Variants in HK1 observed in about 807,000 individuals in gnomAD.
HK1 encodes the protein hexokinase 1.
Under a neutral mutation model 91.6 loss-of-function variants are expected in HK1, and 28 were observed. The observed-to-expected ratio is 0.31, with a 90% CI of 0.23 to 0.42. The LOEUF (loss-of-function observed/expected upper bound fraction) is 0.42. HK1 is among the 10% of genes least tolerant of loss of function. HK1 has a pLI of 1.00. For synonymous variants in HK1, 430 were observed against 468.1 expected (o/e 0.92, Z 1.05); for missense variants, 770 against 1,219.8 (o/e 0.63, Z 5.49).
At chr10:69,303,075 G>A (rs148970587) in intron 5 of HK1, among the ~76,000 whole-genome samples, 133 of 152,180 alleles carry the variant, frequency 8.7e-4, no homozygotes, top group African/African-American at 3.0e-3. Flanking sequence ...TGTTCAACGT[G>A]TGTATCAGTT....
At chr10:69,314,656 TC>T (rs1367374522), upstream of HK1, among the ~76,000 whole-genome samples, 6 of 149,644 alleles carry the variant, frequency 4.0e-5, no homozygotes, top group Middle Eastern at 3.4e-3. Context: ...TTTTCTCTTC[TC>T]TTCTCTCTTT....
rs139295816 is a variant in HK1, at chr10:69,358,153, C to A, written c.227-1744C>A. The stretch of plus-strand genomic sequence containing the variant: ...TGTGGAAGGCAGGGGTGGCCGTCAC[C>A]CCTGGCGTGGTAGATATTAGGACAG... On this transcript the variant is annotated intron_variant, in intron 2 of 17. Coordinates refer to ENST00000359426, the MANE Select transcript of HK1 (RefSeq NM_000188.3). Among the ~76,000 whole-genome samples the A allele has an allele frequency of 2.9e-3, 445 of 152,182 alleles. 6 individuals are homozygous for A. The highest frequency in any genetic ancestry group is 0.019 in the East Asian group (100 of 5,174).
intron 10 of HK1, among the ~76,000 whole-genome samples, 170 bp downstream of exon 10, chr10:69,382,961 C>T (rs1476742605): frequency 6.6e-6 from 1 of 152,128 alleles, no homozygotes; most frequent in African/African-American, 2.4e-5. Flanking sequence ...ACTGATTTGT[C>T]ATGTGTGTGA....
At chr10:69,368,726 A>G in intron 5 of HK1, 95 bp downstream of exon 5, 1 of 954,324 alleles carries the variant, frequency 1.0e-6, no homozygotes. Context: ...GGGGGGCAGT[A>G]GTGCCAAAGC....
chr10:69,343,779 C>T, intron 1 of HK1, 48 bp from the exon 2 acceptor site: 1 of 1,515,648 alleles, frequency 6.6e-7, no homozygotes, highest in Non-Finnish European at 9.2e-7. Context: ...TCACCTTGCC[C>T]TGTCCTCCCC....
At chr10:69,375,425 C>T (rs1436998343) in intron 7 of HK1, among the ~76,000 whole-genome samples, 1 of 152,182 alleles carries the variant, frequency 6.6e-6, no homozygotes, top group African/African-American at 2.4e-5. Flanking sequence ...AGGCTGTTCC[C>T]ACAGGAGCCT....
intron 2 of HK1, among the ~76,000 whole-genome samples, chr10:69,349,316 C>T (rs1220259969): frequency 2.0e-5 from 3 of 152,186 alleles, no homozygotes; most frequent in African/African-American, 7.2e-5. Flanking sequence ...GTAATCCCTG[C>T]CCCACCTGCC....
At chr10:69,320,237 T>C (rs1479329790) in intron 1 of HK1, among the ~76,000 whole-genome samples, 1 of 152,076 alleles carries the variant, frequency 6.6e-6, no homozygotes, top group Non-Finnish European at 1.5e-5. Context: ...ACCCAGGAAC[T>C]TCACCAGGGT....
At chr10:69,289,595 CCTAGTAG>C (rs968810844) in intron 3 of HK1, among the ~76,000 whole-genome samples, 2 of 144,874 alleles carry the variant, frequency 1.4e-5, no homozygotes, top group African/African-American at 5.6e-5. Context: ...CCTCAGCCTC[CCTAGTAG>C]CTGAAATTAC....
chr10:69,357,554 G>A (rs1403496910), intron 2 of HK1, among the ~76,000 whole-genome samples: 2 of 152,082 alleles, frequency 1.3e-5, no homozygotes, highest in Non-Finnish European at 2.9e-5. Context: ...GGGCTCAAGA[G>A]ATTCTCCTAC....
Position 69,364,652 on chromosome 10 carries a change from C to T in HK1, c.376-131C>T. 6 of 1,152,962 alleles carry T rather than the reference C, an allele frequency of 5.2e-6. No individual in the cohort carries two copies. The South Asian group carries it at 6.3e-5, about 12-fold the overall frequency. 71.4% of individuals were successfully genotyped at this position (1,152,962 alleles called of 1,614,324 possible). A position where few individuals can be genotyped will look rare whatever the true frequency, so the allele number is the denominator to read the frequency against. ...GGCTTTTCAGACAGGGCCACCAGGTCCCAGGAGTACGAGCACTTTGTTTGG... is the reference window on the plus strand; with the variant it reads ...GGCTTTTCAGACAGGGCCACCAGGTTCCAGGAGTACGAGCACTTTGTTTGG... On this transcript the variant is annotated intron_variant, in intron 3 of 17. Coordinates refer to ENST00000359426, the MANE Select transcript of HK1 (RefSeq NM_000188.3).
At chr10:69,387,702 G>A (rs1383907299) in intron 13 of HK1, among the ~76,000 whole-genome samples, 6 of 152,074 alleles carry the variant, frequency 3.9e-5, no homozygotes, top group South Asian at 2.1e-4. Flanking sequence ...AGATGCCCCC[G>A]GGGTGTGTTC....
chr10:69,288,745 T>G, exon 3 of HK1: 2 of 1,613,860 alleles, frequency 1.2e-6, no homozygotes, highest in Non-Finnish European at 1.7e-6. Context: ...CTCCCCACAA[T>G]GGGGCAGATC....
chr10:69,276,104 A>ATGTGTGT (rs1564746670), intron 1 of HK1, among the ~76,000 whole-genome samples: 1 of 46,946 alleles, frequency 2.1e-5, no homozygotes, highest in East Asian at 1.2e-3. Flanking sequence ...AAAAAAAAAA[A>ATGTGTGT]AAAAAAAAAA....
At chr10:69,338,506 CAGACCGAGGCTTGCAGTGG>C in intron 1 of HK1, 1 of 1,289,194 alleles carries the variant, frequency 7.8e-7, no homozygotes, top group South Asian at 1.2e-5. Flanking sequence ...AGATGGTCCA[CAGACCGAGGCTTGCAGTGG>C]AAGCAGCTGG....
At chr10:69,312,152 T>C (rs773751105), upstream of HK1, among the ~76,000 whole-genome samples, 70 of 152,346 alleles carry the variant, frequency 4.6e-4, no homozygotes, top group Non-Finnish European at 9.7e-4. Flanking sequence ...AAAAGACGAT[T>C]AAGAGAAAAG....
Position 69,276,090 on chromosome 10 carries a change from C to CAAAAAAAA in HK1, c.-391+6004_-391+6011dup, listed in dbSNP as rs60324656. 4.0e-3 allele frequency among the ~76,000 whole-genome samples: 64 copies of CAAAAAAAA among 15,944 alleles called. 13 individuals carry two copies. The highest frequency in any genetic ancestry group is 0.062 in the Middle Eastern group (1 of 16). The allele number at this position is 15,944 out of a possible 152,430, so 10.5% of individuals were successfully genotyped here. On this transcript the variant is annotated intron_variant, in intron 1 of 21. Transcript: ENST00000360289. Reference sequence around the variant, plus strand: ...GGGCAGCAAGAGCAAAACTCCTTTTCAAAAAAAAAAAAAAAAAAAAAAAAA... The same window carrying CAAAAAAAA: ...GGGCAGCAAGAGCAAAACTCCTTTTCAAAAAAAAAAAAAAAAAAAAAAAAAAAAAAAAA...
chr10:69,383,185 G>T lies in HK1; in HGVS notation c.1570+394G>T, dbSNP rs181944076. Among the ~76,000 whole-genome samples, 35 of 152,228 alleles carry T rather than the reference G, an allele frequency of 2.3e-4. 1 individual carries two copies. The highest frequency in any genetic ancestry group is 8.4e-4 in the African/African-American group (35 of 41,550). The stretch of plus-strand genomic sequence containing the variant: ...GACCCTGTCTCAAAAAAAATTAAAT[G>T]AATAAAAAAGAAGTGTTCTTAAAAG... On this transcript the variant is annotated intron_variant, in intron 10 of 17. Coordinates refer to ENST00000359426, the MANE Select transcript of HK1 (RefSeq NM_000188.3).
chr10:69,286,673 C>A (rs1845047735), intron 2 of HK1, among the ~76,000 whole-genome samples: 1 of 152,062 alleles, frequency 6.6e-6, no homozygotes, highest in South Asian at 2.1e-4. Flanking sequence ...CTCAGCCTCC[C>A]AAGTAGCTGG....
Sources: gnomAD v4.1 joint callset for allele counts (sites outside exome capture counted in the v4.1 genomes callset) on GRCh38, gnomAD v4.1.1 for gene constraint, MANE v1.5 for transcripts, NCBI Gene and HGNC (gene_info 2026-07-23, HGNC 2026-07-21) for gene names.